Variants in ZBTB10 observed in about 807,000 individuals in gnomAD.
ZBTB10 encodes zinc finger and BTB domain-containing protein 10.
A neutral mutation model predicts 76.4 loss-of-function variants in ZBTB10; 32 were observed. The ratio of observed to expected loss-of-function variants is 0.42; its 90% CI spans 0.32 to 0.56. The LOEUF (loss-of-function observed/expected upper bound fraction) is 0.56. ZBTB10 is among the 20% of genes least tolerant of loss of function. The pLI, the probability that ZBTB10 is intolerant of heterozygous loss-of-function variation, is 0.14. For synonymous variants in ZBTB10, 523 were observed against 432.9 expected (o/e 1.21, Z -2.58); for missense variants, 1,057 against 1,098.5 (o/e 0.96, Z 0.53).
At chr8:80,493,207 G>GCGCGCACACACACACA (rs375071529) in intron 1 of ZBTB10, among the ~76,000 whole-genome samples, 38 of 125,292 alleles carry the variant, frequency 3.0e-4, no homozygotes, top group African/African-American at 7.7e-4. Flanking sequence ...GCGCGCGCGC[G>GCGCGCACACACACACA]CACACACACA....
chr8:80,486,324 C>CCT lies in ZBTB10; in HGVS notation c.-483_-482dup. 1 of 993,832 alleles carries CCT rather than the reference C, an allele frequency of 1.0e-6. No individual in the cohort carries two copies. Among genetic ancestry groups the CCT allele is most frequent in the Non-Finnish European group, 1.2e-6 (1 of 836,072 alleles). The allele number at this position is 993,832 out of a possible 1,614,324, so 61.6% of individuals were successfully genotyped here. A position where few individuals can be genotyped will look rare whatever the true frequency, so the allele number is the denominator to read the frequency against. On this transcript the variant is annotated 5_prime_UTR_variant, in exon 1 of 6. Transcript: ENST00000455036. ...TGGCGGAGCCGAGCAGTTTAGCGTG[C>CCT]CTCTCACCCTCAGCGCCTGCGAAGC...
chr8:80,486,023 C>T, upstream of ZBTB10: 6 of 1,039,576 alleles, frequency 5.8e-6, no homozygotes, highest in South Asian at 5.3e-5. Context: ...TCCCCAACCC[C>T]TCGGCCGACT....
At chr8:80,512,248 A>G (rs562296648) in intron 2 of ZBTB10, among the ~76,000 whole-genome samples, 1 of 152,188 alleles carries the variant, frequency 6.6e-6, no homozygotes, top group African/African-American at 2.4e-5. Context: ...TTCTGGCTTT[A>G]GCTCTCTCTA....
Position 80,522,861 on chromosome 8 carries a change from G to A in ZBTB10, c.*3333G>A, listed in dbSNP as rs1195866498. The stretch of plus-strand genomic sequence containing the variant: ...TATATTAATACAAAATGGTGTAAAC[G>A]GCCTGAATATCACTGTAGTAGTATC... On this transcript the variant is annotated 3_prime_UTR_variant, in exon 6 of 6. Coordinates refer to ENST00000455036, the MANE Select transcript of ZBTB10 (RefSeq NM_001105539.3). The A allele has an allele frequency of 2.0e-5, 3 of 151,728 alleles. No homozygotes were observed. The highest frequency in any genetic ancestry group is 6.6e-5 in the Admixed American group (1 of 15,188). The allele number at this position is 151,728 out of a possible 1,614,324, so 9.4% of individuals were successfully genotyped here.
In ZBTB10 at chr8:80,487,686, T is replaced by C. The variant is rs1815513026; in HGVS notation, c.876T>C (p.His292=). Residue 292 remains histidine, a synonymous_variant, in exon 1 of 6, where the codon CAT becomes CAC. Transcript: ENST00000455036. ...GCGTGGACCTTCCCCCAGTGGGGCA[T>C]GATGAGCTTTCGCGAGGGACCCGCA... is the stretch of plus-strand genomic sequence containing the variant. ...GGSVDLPPVG[H]DELSRGTRNY... 7 of 1,613,796 alleles carry C rather than the reference T, an allele frequency of 4.3e-6. No individual in the cohort carries two copies. The Admixed American group carries it at 8.3e-5, about 19-fold the overall frequency.
rs962313008 is a variant in ZBTB10, at chr8:80,523,474, G to T, written c.*3946G>T. 3 of 151,860 alleles carry T rather than the reference G, an allele frequency of 2.0e-5. No individual in the cohort carries two copies. Among genetic ancestry groups the T allele is most frequent in the Admixed American group, 6.6e-5 (1 of 15,194 alleles). 9.4% of individuals were successfully genotyped at this position (151,860 alleles called of 1,614,324 possible). A position where few individuals can be genotyped will look rare whatever the true frequency, so the allele number is the denominator to read the frequency against. On this transcript the variant is annotated 3_prime_UTR_variant, in exon 6 of 6. Transcript: ENST00000455036. ...GCTGTGGCATTTTAATTTTATAAAA[G>T]AATGGTTTTTATCTGAAGAACTAGA...
At chr8:80,485,638 G>T, upstream of ZBTB10, 1 of 596,990 alleles carries the variant, frequency 1.7e-6, no homozygotes, top group African/African-American at 1.9e-5. Flanking sequence ...ACTGTCCGGG[G>T]CCCGAGGTGC....
chr8:80,519,148 GTTTAA>G, intron 5 of ZBTB10, 70 bp from the exon 6 acceptor site: 3 of 1,475,200 alleles, frequency 2.0e-6, no homozygotes, highest in African/African-American at 1.4e-5. Flanking sequence ...TAAATGTGTG[GTTTAA>G]TTTGAGTGGT....
Position 80,514,493 on chromosome 8 carries a change from T to C in ZBTB10, c.1960+485T>C, listed in dbSNP as rs143254728. 5.7e-3 allele frequency among the ~76,000 whole-genome samples: 871 copies of C among 152,316 alleles called. 11 individuals are homozygous for C. Among genetic ancestry groups the C allele is most frequent in the African/African-American group, 0.02 (832 of 41,558 alleles). ...AATAGAGTAAAAGAAAGTCATTCTTTACAGAAGAATGCCAAGCTGATAGAA... is the reference window on the plus strand; with the variant it reads ...AATAGAGTAAAAGAAAGTCATTCTTCACAGAAGAATGCCAAGCTGATAGAA... On this transcript the variant is annotated intron_variant, in intron 3 of 5. Transcript: ENST00000455036.
chr8:80,510,257 C>A (rs1816155133), intron 2 of ZBTB10, among the ~76,000 whole-genome samples: 1 of 152,164 alleles, frequency 6.6e-6, no homozygotes, highest in African/African-American at 2.4e-5. Flanking sequence ...TATACTTCTG[C>A]ACTCGTGTTC....
chr8:80,500,819 G>T (rs1450625594), intron 2 of ZBTB10, among the ~76,000 whole-genome samples: 1 of 152,096 alleles, frequency 6.6e-6, no homozygotes, highest in Non-Finnish European at 1.5e-5. Context: ...GTGTTTCAAA[G>T]AATTTTGCCA....
In ZBTB10 at chr8:80,487,738, C is replaced by G; in HGVS notation, c.928C>G (p.His310Asp). 1 of 1,611,754 alleles carries G rather than the reference C, an allele frequency of 6.2e-7. No individual in the cohort carries two copies. Among genetic ancestry groups the G allele is most frequent in the African/African-American group, 1.3e-5 (1 of 74,966 alleles). ...RNYKKTLLLR[H>D]HVSTEHKLHE... Reference sequence around the variant, plus strand: ...CTACAAGAAAACCCTCCTCCTGAGGCACCACGTCTCTACCGAGCACAAACT... The same window carrying G: ...CTACAAGAAAACCCTCCTCCTGAGGGACCACGTCTCTACCGAGCACAAACT... The change falls in exon 1 of 6, where the codon CAC becomes GAC. Residue 310 changes from histidine to aspartate, a missense_variant. His to Asp is a moderately conservative substitution (Grantham distance 81). Coordinates refer to ENST00000455036, the MANE Select transcript of ZBTB10 (RefSeq NM_001105539.3).
intron 1 of ZBTB10, among the ~76,000 whole-genome samples, chr8:80,492,591 G>A (rs1815658887): frequency 6.6e-6 from 1 of 151,790 alleles, no homozygotes; most frequent in Non-Finnish European, 1.5e-5. Flanking sequence ...TGATTCTTCT[G>A]CCTCAACCTC....
chr8:80,487,029 G>T lies in ZBTB10; in HGVS notation c.219G>T (p.Glu73Asp). The part of the protein sequence containing the change: ...ADEEVELEGL[E>D]PQDLEASAGP... ...AGGAAGTGGAATTGGAGGGCCTGGA[G>T]CCCCAAGACCTGGAGGCCTCCGCCG... The change falls in exon 1 of 6, where the codon GAG becomes GAT. Residue 73 changes from glutamate to aspartate, a missense_variant. Glu to Asp is a conservative substitution (Grantham distance 45). Around this residue, in one of 5 missense-constraint regions of ZBTB10, gnomAD observed 556 missense variants for 451.7 expected, o/e 1.23. Transcript: ENST00000455036. 1 of 1,518,930 alleles carries T rather than the reference G, an allele frequency of 6.6e-7. No individual in the cohort carries two copies. The highest frequency in any genetic ancestry group is 8.8e-7 in the Non-Finnish European group (1 of 1,139,498). 94.1% of individuals were successfully genotyped at this position (1,518,930 alleles called of 1,614,324 possible).
In ZBTB10 at chr8:80,510,639, A is replaced by AGTGTGG. The variant is rs60169757; in HGVS notation, c.1862-3266_1862-3265insGGTGTG. Among the ~76,000 whole-genome samples the AGTGTGG allele has an allele frequency of 9.5e-3, 1,195 of 125,776 alleles. 6 individuals carry two copies. Among genetic ancestry groups the AGTGTGG allele is most frequent in the African/African-American group, 0.013 (418 of 32,640 alleles). 82.5% of individuals were successfully genotyped at this position (125,776 alleles called of 152,430 possible). Reference sequence around the variant, plus strand: ...AAAATAGCCGTCATTTTGTGAAACCAGTGTGTGTGTGTGTGTGTGTGTGTG... The same window carrying AGTGTGG: ...AAAATAGCCGTCATTTTGTGAAACCAGTGTGGGTGTGTGTGTGTGTGTGTGTGTGTG... On this transcript the variant is annotated intron_variant, in intron 2 of 5. Coordinates refer to ENST00000455036, the MANE Select transcript of ZBTB10 (RefSeq NM_001105539.3).
intron 1 of ZBTB10, among the ~76,000 whole-genome samples, chr8:80,488,953 T>G (rs1216861571): frequency 6.6e-6 from 1 of 152,226 alleles, no homozygotes; most frequent in African/African-American, 2.4e-5. Flanking sequence ...GGGCTTTAAC[T>G]TTAAAGCACA....
rs1816544441 is a variant in ZBTB10, at chr8:80,525,520, C to G, written c.*5992C>G. On this transcript the variant is annotated 3_prime_UTR_variant, in exon 6 of 6. Coordinates refer to ENST00000455036, the MANE Select transcript of ZBTB10 (RefSeq NM_001105539.3). ...CAAGACAGTCTTCTTGGCGCAGGTCCTAACAGTTGGTGAGATAATACATAA... is the reference window on the plus strand; with the variant it reads ...CAAGACAGTCTTCTTGGCGCAGGTCGTAACAGTTGGTGAGATAATACATAA... The G allele has an allele frequency of 6.6e-6, 1 of 152,024 alleles. No homozygotes were observed. 9.4% of individuals were successfully genotyped at this position (152,024 alleles called of 1,614,324 possible). A position where few individuals can be genotyped will look rare whatever the true frequency, so the allele number is the denominator to read the frequency against.
At chr8:80,499,388 A>G (rs926426520) in intron 1 of ZBTB10, 106 bp from the exon 2 acceptor site, 1 of 1,202,126 alleles carries the variant, frequency 8.3e-7, no homozygotes, top group African/African-American at 1.5e-5. Flanking sequence ...ACAAATTAAT[A>G]TATTTGATTA....
intron 1 of ZBTB10, among the ~76,000 whole-genome samples, chr8:80,492,485 T>G (rs1221809257): frequency 2.8e-5 from 4 of 145,300 alleles, no homozygotes. Flanking sequence ...CATTGAAGAA[T>G]TTTTTTTTTT....
Sources: gnomAD v4.1 joint callset for allele counts (sites outside exome capture counted in the v4.1 genomes callset) on GRCh38, gnomAD v4.1.1 for gene constraint, gnomAD v4.1.1 regional missense constraint, MANE v1.5 for transcripts, NCBI Gene and HGNC (gene_info 2026-07-23, HGNC 2026-07-21) for gene names.